Variants in MCF2L2 observed in about 807,000 individuals in gnomAD.
MCF2L2 encodes the protein MCF.2 cell line derived transforming sequence-like 2, also known as probable guanine nucleotide exchange factor MCF2L2.
Under a neutral mutation model 150.2 loss-of-function variants are expected in MCF2L2, and 102 were observed. That is an observed-to-expected ratio of 0.68 (90% CI 0.58 to 0.80). MCF2L2 has a LOEUF of 0.80. Ranked by LOEUF, MCF2L2 falls within the 30% of genes least tolerant of loss-of-function variation. The pLI is 0.00. For missense variants in MCF2L2, 1,256 were observed against 1,372.8 expected (o/e 0.91, Z 1.34); for synonymous variants, 465 against 491.3 (o/e 0.95, Z 0.71).
chr3:183,354,226 G>A (rs950273344), intron 3 of MCF2L2, among the ~76,000 whole-genome samples: 2 of 152,160 alleles, frequency 1.3e-5, no homozygotes, highest in Non-Finnish European at 2.9e-5. Context: ...AGCAGGCCCT[G>A]AAAGAAATAG....
intron 1 of MCF2L2, among the ~76,000 whole-genome samples, chr3:183,407,935 C>A (rs1715125320): frequency 1.3e-5 from 2 of 152,066 alleles, no homozygotes; most frequent in African/African-American, 4.8e-5. Context: ...GAGAAAGATG[C>A]TATGGGGTAT....
intron 1 of MCF2L2, among the ~76,000 whole-genome samples, chr3:183,412,306 GTTGT>G (rs541248848): frequency 1.4e-3 from 201 of 147,180 alleles, no homozygotes; most frequent in African/African-American, 5.1e-3. Context: ...TGTTGTTGTT[GTTGT>G]TTGAGACAGA....
chr3:183,261,253 A>T (rs1161857611), intron 15 of MCF2L2, among the ~76,000 whole-genome samples: 1 of 152,138 alleles, frequency 6.6e-6, no homozygotes, highest in African/African-American at 2.4e-5. Context: ...TTTATTCCTG[A>T]TCTCTCTCAA....
intron 25 of MCF2L2, among the ~76,000 whole-genome samples, chr3:183,199,049 C>T (rs1722168112): frequency 6.6e-6 from 1 of 152,092 alleles, no homozygotes; most frequent in Admixed American, 6.5e-5. Flanking sequence ...CAGTTACCTA[C>T]AGTTTAAATC....
intron 3 of MCF2L2, among the ~76,000 whole-genome samples, chr3:183,358,588 A>C (rs977235114): frequency 6.6e-6 from 1 of 152,152 alleles, no homozygotes; most frequent in Admixed American, 6.5e-5. Flanking sequence ...AATTGAAGGG[A>C]AGTGTGAATA....
At chr3:183,210,456 A>G (rs1329560372) in intron 22 of MCF2L2, among the ~76,000 whole-genome samples, 1 of 152,236 alleles carries the variant, frequency 6.6e-6, no homozygotes, top group Non-Finnish European at 1.5e-5. Flanking sequence ...TGTTCAGGAA[A>G]AGCACAGCTA....
At chr3:183,281,569 C>A (rs148196970) in intron 14 of MCF2L2, among the ~76,000 whole-genome samples, 366 of 152,248 alleles carry the variant, frequency 2.4e-3, no homozygotes, top group African/African-American at 8.5e-3. Flanking sequence ...GGCAGTCTGT[C>A]CCCTTTTTAA....
At chr3:183,293,815 G>T (rs775557516) in intron 13 of MCF2L2, among the ~76,000 whole-genome samples, 1 of 151,682 alleles carries the variant, frequency 6.6e-6, no homozygotes, top group Non-Finnish European at 1.5e-5. Context: ...TTTCTATATA[G>T]AAATCTATTC....
chr3:183,377,439 A>G (rs1003709551), intron 3 of MCF2L2: 1 of 152,090 alleles, frequency 6.6e-6, no homozygotes, highest in African/African-American at 2.4e-5. Flanking sequence ...TACAACAAAT[A>G]CCATTTGTTT....
At chr3:183,332,660 A>G (rs920596459) in intron 5 of MCF2L2, among the ~76,000 whole-genome samples, 1 of 152,186 alleles carries the variant, frequency 6.6e-6, no homozygotes, top group Non-Finnish European at 1.5e-5. Flanking sequence ...AGAAGAATTG[A>G]TGAGTCTTCA....
At position 183,391,269 on chromosome 3, in the gene MCF2L2, GT is replaced by G. The variant is rs1011205396; in HGVS notation, c.77-1491del. The stretch of plus-strand genomic sequence containing the variant: ...ATTTGCTTTCTAAAAGCCTTTTTTT[GT>G]TTTTTTCTGAAAGTCTTGTAAGGGG... On this transcript the variant is annotated intron_variant, in intron 1 of 29. Transcript: ENST00000328913. 6.7e-4 allele frequency among the ~76,000 whole-genome samples: 100 copies of G among 149,238 alleles called. 1 individual carries two copies. The highest frequency in any genetic ancestry group is 2.3e-3 in the African/African-American group (94 of 40,324).
At chr3:183,361,813 A>G (rs750930365) in intron 3 of MCF2L2, among the ~76,000 whole-genome samples, 13 of 152,234 alleles carry the variant, frequency 8.5e-5, no homozygotes, top group Non-Finnish European at 1.9e-4. Flanking sequence ...ATAGCTGTTT[A>G]TCAGTAGCAT....
At chr3:183,205,019 AT>A (rs980676598) in intron 25 of MCF2L2, among the ~76,000 whole-genome samples, 2 of 152,186 alleles carry the variant, frequency 1.3e-5, no homozygotes, top group Non-Finnish European at 2.9e-5. Context: ...TTGGTACAGA[AT>A]TTTTTTGTTG....
At chr3:183,302,277 A>C (rs1308838996) in intron 10 of MCF2L2, among the ~76,000 whole-genome samples, 1 of 152,204 alleles carries the variant, frequency 6.6e-6, no homozygotes, top group African/African-American at 2.4e-5. Context: ...TCATAACTCT[A>C]ATACAGCTAC....
In MCF2L2 at chr3:183,218,374, G is replaced by A. The variant is rs1389455886; in HGVS notation, c.2370+1482C>T. Among the ~76,000 whole-genome samples, 6 of 152,186 alleles carry A rather than the reference G, an allele frequency of 3.9e-5. No individual in the cohort carries two copies. The South Asian group carries it at 8.3e-4, about 21-fold the overall frequency. On this transcript the variant is annotated intron_variant, in intron 21 of 29. Transcript: ENST00000328913. ...TTCTTGGCAGGGCGCAGTGGCTCAC[G>A]CCTGTAATCCCAGCACTTTGGGAGG...
In MCF2L2 at chr3:183,289,209, G is replaced by A. The variant is rs201525425; in HGVS notation, c.1687C>T (p.Arg563Cys). 7.3e-4 allele frequency: 1,172 copies of A among 1,610,494 alleles called. 1 individual carries two copies. Among genetic ancestry groups the A allele is most frequent in the Non-Finnish European group, 8.7e-4 (1,029 of 1,176,988 alleles). ...SQPSTSVPLARPLRTSEEPYT... is the reference protein window; with the variant it reads ...SQPSTSVPLACPLRTSEEPYT... ...GGTTCCTCAGACGTTCTCAGAGGAC[G>A]AGCTAGAGGGACTAAGAGAACCTGC... The change falls in exon 14 of 30, where the codon CGT (arginine) becomes TGT (cysteine). Residue 563 changes from arginine to cysteine, a missense_variant. Arg to Cys is a radical substitution (Grantham distance 180). Transcript: ENST00000328913.
intron 5 of MCF2L2, among the ~76,000 whole-genome samples, chr3:183,332,797 C>T (rs1730323648): frequency 6.6e-6 from 1 of 152,070 alleles, no homozygotes; most frequent in Admixed American, 6.5e-5. Context: ...AGAACTCAGG[C>T]CTCACATTTT....
chr3:183,218,641 T>TA (rs1224555532), intron 21 of MCF2L2, among the ~76,000 whole-genome samples: 1 of 151,794 alleles, frequency 6.6e-6, no homozygotes, highest in Non-Finnish European at 1.5e-5. Flanking sequence ...CTCAAAAAAA[T>TA]AAAAAAATAA....
chr3:183,421,706 T>C (rs754238868), intron 1 of MCF2L2, among the ~76,000 whole-genome samples: 1 of 152,258 alleles, frequency 6.6e-6, no homozygotes, highest in Non-Finnish European at 1.5e-5. Context: ...TCCTGTTTGT[T>C]TGAAGGTCTC....
Sources: gnomAD v4.1 joint callset for allele counts (sites outside exome capture counted in the v4.1 genomes callset) on GRCh38, gnomAD v4.1.1 for gene constraint, MANE v1.5 for transcripts, NCBI Gene and HGNC (gene_info 2026-07-23, HGNC 2026-07-21) for gene names.